The following TOM1L2 variants were observed in gnomAD, a reference collection of about 807,000 sequenced individuals.
TOM1L2 encodes target of myb1 like 2 membrane trafficking protein, also known as TOM1-like protein 2.
A neutral mutation model predicts 67.9 loss-of-function variants in TOM1L2; 31 were observed. The ratio of observed to expected loss-of-function variants is 0.46; its 90% CI spans 0.34 to 0.62. TOM1L2 has a LOEUF of 0.62. Ranked by LOEUF, TOM1L2 falls within the 20% of genes least tolerant of loss-of-function variation. The pLI is 0.01. For synonymous variants in TOM1L2, 256 were observed against 254.0 expected (o/e 1.01, Z -0.07); for missense variants, 606 against 663.5 (o/e 0.91, Z 0.95).
intron 12 of TOM1L2, among the ~76,000 whole-genome samples, chr17:17,854,222 G>A (rs1015498550): frequency 3.3e-5 from 5 of 152,326 alleles, no homozygotes; most frequent in Admixed American, 2.6e-4. Flanking sequence ...ATCAGACTCA[G>A]ACTAAACATG....
chr17:17,924,136 C>CAAA (rs1568290891), intron 1 of TOM1L2, among the ~76,000 whole-genome samples: 3 of 152,008 alleles, frequency 2.0e-5, no homozygotes, highest in African/African-American at 7.3e-5. Flanking sequence ...GACTCTGTCT[C>CAAA]AAACAAAAAC....
At position 17,879,839 on chromosome 17, in the gene TOM1L2, CCTT is replaced by C. The variant is rs1312201307; in HGVS notation, c.661-99_661-97del. On this transcript the variant is annotated intron_variant, in intron 6 of 14. Coordinates refer to ENST00000379504, the MANE Select transcript of TOM1L2 (RefSeq NM_001082968.2). Reference sequence around the variant, plus strand: ...AGCTTGCTCCTAGTCTAGTGACAATCCTTCTCACTGGGAGATCTGGGTTGCCTT... The same window carrying C: ...AGCTTGCTCCTAGTCTAGTGACAATCCTCACTGGGAGATCTGGGTTGCCTT... 8 of 1,052,804 alleles carry C rather than the reference CCTT, an allele frequency of 7.6e-6. No individual in the cohort carries two copies. In the East Asian group the frequency reaches 1.7e-4, roughly 22 times the overall value. The allele number at this position is 1,052,804 out of a possible 1,614,324, so 65.2% of individuals were successfully genotyped here.
At chr17:17,949,183 C>T (rs2041078805) in intron 1 of TOM1L2, among the ~76,000 whole-genome samples, 1 of 152,220 alleles carries the variant, frequency 6.6e-6, no homozygotes, top group African/African-American at 2.4e-5. Context: ...TTGCCACCTG[C>T]CATTAAGGGT....
chr17:17,924,094 G>A (rs1406019563), intron 1 of TOM1L2, among the ~76,000 whole-genome samples: 4 of 151,202 alleles, frequency 2.6e-5, no homozygotes, highest in Non-Finnish European at 4.4e-5. Context: ...CCGAGATCGC[G>A]CCACTGCACT....
chr17:17,906,989 A>G (rs1346556004), intron 2 of TOM1L2, among the ~76,000 whole-genome samples: 1 of 152,230 alleles, frequency 6.6e-6, no homozygotes, highest in Admixed American at 6.5e-5. Context: ...AAGTCCACTC[A>G]TGCCGCTTTC....
chr17:17,937,093 G>C (rs1320814017), intron 1 of TOM1L2, among the ~76,000 whole-genome samples: 1 of 152,178 alleles, frequency 6.6e-6, no homozygotes, highest in African/African-American at 2.4e-5. Context: ...AAAGAAGGCT[G>C]GAGGCCATCT....
At chr17:17,880,798 TCTACTAC>T (rs1421505773) in intron 6 of TOM1L2, among the ~76,000 whole-genome samples, 1 of 152,204 alleles carries the variant, frequency 6.6e-6, no homozygotes, top group Non-Finnish European at 1.5e-5. Context: ...AGGTATGCTC[TCTACTAC>T]ACACATACGG....
At chr17:17,907,228 A>G (rs967200146) in intron 2 of TOM1L2, among the ~76,000 whole-genome samples, 3 of 152,240 alleles carry the variant, frequency 2.0e-5, no homozygotes, top group African/African-American at 7.2e-5. Context: ...TGATTAAAGG[A>G]GGTCATCCCT....
At chr17:17,916,343 G>A (rs7208190) in intron 1 of TOM1L2, among the ~76,000 whole-genome samples, 73,954 of 151,962 alleles carry the variant, frequency 0.49, 19,057 homozygotes, top group East Asian at 0.86. Flanking sequence ...AAAGTGCTGG[G>A]ATTACAGGCA....
At chr17:17,972,177 C>A in intron 1 of TOM1L2, 85 bp downstream of exon 1, 1 of 1,513,800 alleles carries the variant, frequency 6.6e-7, no homozygotes, top group Non-Finnish European at 8.9e-7. Context: ...TGAAGTGGCA[C>A]CGGCGCCCGG....
chr17:17,925,824 T>C (rs1209909521), intron 1 of TOM1L2, among the ~76,000 whole-genome samples: 1 of 145,184 alleles, frequency 6.9e-6, no homozygotes, highest in African/African-American at 2.6e-5. Flanking sequence ...CACTGTACTC[T>C]AGCCTGGGTG....
At chr17:17,898,747 T>G in intron 2 of TOM1L2, 73 bp from the exon 3 acceptor site, 1 of 1,457,028 alleles carries the variant, frequency 6.9e-7, no homozygotes, top group Non-Finnish European at 9.6e-7. Flanking sequence ...ATATGTGAAC[T>G]AGTATATATG....
chr17:17,938,541 G>GT (rs966234749), intron 1 of TOM1L2, among the ~76,000 whole-genome samples: 68 of 152,296 alleles, frequency 4.5e-4, no homozygotes, highest in African/African-American at 1.5e-3. Context: ...AGAGAATGGA[G>GT]TGACGACGTG....
chr17:17,971,623 C>T (rs1394747122), intron 1 of TOM1L2, among the ~76,000 whole-genome samples: 1 of 151,548 alleles, frequency 6.6e-6, no homozygotes, highest in African/African-American at 2.4e-5. Context: ...AAGGTGACAT[C>T]CCACAAAGGG....
At chr17:17,963,389 A>G (rs1034145346) in intron 1 of TOM1L2, among the ~76,000 whole-genome samples, 2 of 152,248 alleles carry the variant, frequency 1.3e-5, no homozygotes, top group Admixed American at 6.5e-5. Flanking sequence ...AAATGGAAAC[A>G]GACCATGCTT....
intron 3 of TOM1L2, among the ~76,000 whole-genome samples, chr17:17,896,110 G>A (rs553040771): frequency 2.6e-5 from 4 of 152,124 alleles, no homozygotes; most frequent in African/African-American, 4.8e-5. Flanking sequence ...TCTGGTAACC[G>A]TGAGGTAATT....
At chr17:17,912,310 G>C (rs1219616364) in intron 1 of TOM1L2, among the ~76,000 whole-genome samples, 1 of 148,608 alleles carries the variant, frequency 6.7e-6, no homozygotes, top group Non-Finnish European at 1.5e-5. Context: ...CCTCCCGGAC[G>C]GGGTGGCTGC....
At chr17:17,882,983 C>T in intron 5 of TOM1L2, 120 bp from the exon 6 acceptor site, 2 of 1,211,430 alleles carry the variant, frequency 1.7e-6, no homozygotes. Flanking sequence ...CAAGGCCCTG[C>T]TCCACTGCTG....
intron 4 of TOM1L2, among the ~76,000 whole-genome samples, chr17:17,890,810 T>C (rs2038234608): frequency 6.6e-6 from 1 of 152,226 alleles, no homozygotes; most frequent in Non-Finnish European, 1.5e-5. Context: ...TATCAAGTTG[T>C]ATACACTTTT....
Sources: allele counts gnomAD v4.1 joint callset (sites outside exome capture counted in the v4.1 genomes callset), GRCh38; gene constraint gnomAD v4.1.1; transcripts MANE v1.5; gene names NCBI Gene and HGNC (gene_info 2026-07-23, HGNC 2026-07-21).